Variants in ZNF701 observed in about 807,000 individuals in gnomAD.
The protein encoded by ZNF701 is zinc finger protein 701.
In ZNF701, 6 loss-of-function variants were observed where a neutral mutation model predicts 7.1. The ratio of observed to expected loss-of-function variants is 0.84; its 90% CI spans 0.46 to 1.66. The LOEUF (loss-of-function observed/expected upper bound fraction) is 1.66, where lower values mean the gene tolerates loss of function less well. Ranked by LOEUF, ZNF701 falls within the 40% of genes most tolerant of loss-of-function variation. The pLI is 0.01. For synonymous variants in ZNF701, 166 were observed against 188.2 expected, an observed-to-expected ratio of 0.88 and a Z score of 0.97; for missense variants, 541 against 559.2, an observed-to-expected ratio of 0.97 and a Z score of 0.33.
intron 1 of ZNF701, 56 bp from the exon 2 acceptor site, chr19:52,574,021 T>A: frequency 6.4e-7 from 1 of 1,558,924 alleles, no homozygotes; most frequent in Non-Finnish European, 8.8e-7. Flanking sequence ...GTCATTGTGT[T>A]ACAGGCAGGA....
intron 3 of ZNF701, among the ~76,000 whole-genome samples, chr19:52,576,308 A>C (rs1198557871): frequency 6.6e-6 from 1 of 152,148 alleles, no homozygotes; most frequent in African/African-American, 2.4e-5. Flanking sequence ...TGGGAGGCTG[A>C]GGCGTGTGGA....
chr19:52,592,355 AGTG>A, the ZNF701 span: 4 of 1,016,420 alleles, frequency 3.9e-6, no homozygotes, highest in South Asian at 1.6e-5. Flanking sequence ...TGTTTTCTAC[AGTG>A]ATGACCCTCA....
chr19:52,583,685 T>G lies in ZNF701; in HGVS notation c.*228T>G, dbSNP rs1389071781. 1.1e-6 allele frequency: 1 copy of G among 921,832 alleles called. No homozygotes were observed. The highest frequency in any genetic ancestry group is 1.8e-6 in the Non-Finnish European group (1 of 556,598). The allele number at this position is 921,832 out of a possible 1,614,324, so 57.1% of individuals were successfully genotyped here. A position where few individuals can be genotyped will look rare whatever the true frequency, so the allele number is the denominator to read the frequency against. ...CACACCTGGCCCAACATACTGGAAT[T>G]CACACTGGAAAGGAACTGTACAAGT... On this transcript the variant is annotated 3_prime_UTR_variant, in exon 4 of 4. Coordinates refer to ENST00000391785, the MANE Select transcript of ZNF701 (RefSeq NM_018260.3).
chr19:52,593,909 A>G, the ZNF701 span, among the ~76,000 whole-genome samples: 2 of 116,702 alleles, frequency 1.7e-5, 1 homozygote, highest in South Asian at 5.7e-4. Flanking sequence ...CACTTCCCAG[A>G]TGGGGTGGTG....
rs781501289 is a variant in ZNF701 at position 52,582,441 on chromosome 19, C to A, written c.382C>A (p.Gln128Lys). The A allele has an allele frequency of 6.8e-6, 11 of 1,614,164 alleles. No individual in the cohort carries two copies. The highest frequency in any genetic ancestry group is 7.6e-6 in the Non-Finnish European group (9 of 1,180,016). ...KLMSSTERHDQRHAGNKPIKN... is the reference protein window; with the variant it reads ...KLMSSTERHDKRHAGNKPIKN... Reference sequence around the variant, plus strand: ...GATGAGTAGTACAGAGCGACATGATCAAAGGCATGCTGGAAACAAACCTAT... The same window carrying A: ...GATGAGTAGTACAGAGCGACATGATAAAAGGCATGCTGGAAACAAACCTAT... Residue 128 changes from glutamine to lysine, a missense_variant, in exon 4 of 4, where the codon CAA (glutamine) becomes AAA (lysine). Physicochemically the swap from Gln to Lys is moderately conservative, Grantham distance 53. Coordinates refer to ENST00000391785, the MANE Select transcript of ZNF701 (RefSeq NM_018260.3).
chr19:52,572,417 A>G (rs1193353506), intron 1 of ZNF701: 31 of 1,278,442 alleles, frequency 2.4e-5, no homozygotes, highest in Non-Finnish European at 3.1e-5. Context: ...TGTTACTGTA[A>G]TTTTCTTGTG....
chr19:52,588,100 C>T (rs2060022234), downstream of ZNF701, among the ~76,000 whole-genome samples: 2 of 152,298 alleles, frequency 1.3e-5, no homozygotes, highest in South Asian at 2.1e-4. Flanking sequence ...TGCATAATCT[C>T]TGGTGCAGTG....
the ZNF701 span, chr19:52,596,200 T>G: frequency 5.0e-6 from 3 of 600,862 alleles, no homozygotes; most frequent in Non-Finnish European, 6.1e-6. Flanking sequence ...AGAAACAGTA[T>G]AAATGTGATG....
chr19:52,573,984 T>G (rs555272372), intron 1 of ZNF701, 93 bp from the exon 2 acceptor site: 173 of 1,344,754 alleles, frequency 1.3e-4, no homozygotes, highest in Non-Finnish European at 1.7e-4. Flanking sequence ...GACCATATTT[T>G]TTCAGAGTGA....
the ZNF701 span, among the ~76,000 whole-genome samples, chr19:52,599,503 G>A: frequency 6.6e-6 from 1 of 152,034 alleles, no homozygotes; most frequent in Non-Finnish European, 1.5e-5. Context: ...AGACCTCCTC[G>A]GATCATTGTC....
At position 52,584,072 on chromosome 19, in the gene ZNF701, C is replaced by T. The variant is rs1905585655; in HGVS notation, c.*615C>T. On this transcript the variant is annotated 3_prime_UTR_variant, in exon 4 of 4. Coordinates refer to ENST00000391785, the MANE Select transcript of ZNF701 (RefSeq NM_018260.3). Reference sequence around the variant, plus strand: ...ATGATTGTGAGCAAAGCCTTTACTTCACGTTCACACCACATTAGATATCAG... The same window carrying T: ...ATGATTGTGAGCAAAGCCTTTACTTTACGTTCACACCACATTAGATATCAG... The T allele has an allele frequency of 2.2e-5, 10 of 446,818 alleles. No individual in the cohort carries two copies. Among genetic ancestry groups the T allele is most frequent in the South Asian group, 1.2e-4 (7 of 60,516 alleles). The allele number at this position is 446,818 out of a possible 1,614,324, so 27.7% of individuals were successfully genotyped here. A position where few individuals can be genotyped will look rare whatever the true frequency, so the allele number is the denominator to read the frequency against.
Position 52,576,019 on chromosome 19 carries a change from TG to T in ZNF701, c.142+1del. 6.3e-7 allele frequency: 1 copy of T among 1,577,472 alleles called. No individual in the cohort carries two copies. On this transcript the variant is annotated frameshift_variant and splice_region_variant, in exon 3 of 4. Coordinates refer to ENST00000391785, the MANE Select transcript of ZNF701 (RefSeq NM_018260.3). LOFTEE classifies it low-confidence loss of function (END_TRUNC). ...GAGAATTATAGGAACCTGGTCTCCCTGGGTGAGGATAACTTCCCTCCAGAAG... is the reference window on the plus strand; with the variant it reads ...GAGAATTATAGGAACCTGGTCTCCCTGGTGAGGATAACTTCCCTCCAGAAG... ...MLENYRNLVS[L>X]DTSSKCMMKM...
chr19:52,595,864 T>C, the ZNF701 span: 4 of 1,612,972 alleles, frequency 2.5e-6, no homozygotes, highest in Non-Finnish European at 3.4e-6. Flanking sequence ...ATCAAAGACA[T>C]GCTGGAAACA....
downstream of ZNF701, among the ~76,000 whole-genome samples, chr19:52,587,856 G>C (rs1354443094): frequency 5.3e-5 from 8 of 152,214 alleles, no homozygotes; most frequent in African/African-American, 1.7e-4. Context: ...TCTCATCTGT[G>C]TCCAGCATTG....
chr19:52,578,748 G>A (rs1433613034), intron 3 of ZNF701, among the ~76,000 whole-genome samples: 6 of 152,064 alleles, frequency 3.9e-5, no homozygotes, highest in Non-Finnish European at 7.4e-5. Flanking sequence ...TAACAACTAC[G>A]TTAGCGTCCA....
chr19:52,578,297 C>G (rs182045667), intron 3 of ZNF701, among the ~76,000 whole-genome samples: 45 of 143,158 alleles, frequency 3.1e-4, no homozygotes, highest in Non-Finnish European at 5.8e-4. Flanking sequence ...TAGAAGAAAA[C>G]GCTAACGTAT....
At chr19:52,572,439 A>C (rs1440897357) in intron 1 of ZNF701, 1 of 1,266,708 alleles carries the variant, frequency 7.9e-7, no homozygotes, top group Non-Finnish European at 1.0e-6. Context: ...GGAAGAATTA[A>C]ATGTTGGGAA....
chr19:52,572,201 A>C, intron 1 of ZNF701: 2 of 322,004 alleles, frequency 6.2e-6, no homozygotes, highest in South Asian at 4.6e-5. Flanking sequence ...ATTACAGGCA[A>C]GTGCCACAAC....
Position 52,574,734 on chromosome 19 carries a change from T to C in ZNF701, c.15+572T>C, listed in dbSNP as rs373287594. Reference sequence around the variant, plus strand: ...TTTTATTCCATCCTTATTTAAAGAATATGAAATCAACCTAAATAATAGCAG... The same window carrying C: ...TTTTATTCCATCCTTATTTAAAGAACATGAAATCAACCTAAATAATAGCAG... On this transcript the variant is annotated intron_variant, in intron 2 of 3. Transcript: ENST00000391785. 2.0e-5 allele frequency among the ~76,000 whole-genome samples: 3 copies of C among 152,296 alleles called. No individual in the cohort carries two copies. The East Asian group carries it at 5.8e-4, about 29-fold the overall frequency.
Sources: gnomAD v4.1 joint callset for allele counts (sites outside exome capture counted in the v4.1 genomes callset) on GRCh38, gnomAD v4.1.1 for gene constraint, MANE v1.5 for transcripts, NCBI Gene and HGNC (gene_info 2026-07-23, HGNC 2026-07-21) for gene names.